ADK: variants seen among roughly 807,000 people sequenced by gnomAD.
ADK encodes the protein N6,N6-dimethyladenosine kinase.
Under a neutral mutation model 44.7 loss-of-function variants are expected in ADK, and 24 were observed. That is an observed-to-expected ratio of 0.54 (90% confidence interval 0.39 to 0.76). The LOEUF is 0.76. Among genes scored for constraint, ADK ranks in the 30% least tolerant of loss-of-function variants. ADK has a pLI of 0.00. For missense variants in ADK, 321 were observed against 425.1 expected, an observed-to-expected ratio of 0.76 and a Z score of 2.15; for synonymous variants, 128 against 142.6, an observed-to-expected ratio of 0.90 and a Z score of 0.73.
chr10:74,594,382 G>GTTCTACCAAAATAATAAAGT (rs1851823640), intron 8 of ADK, among the ~76,000 whole-genome samples: 1 of 150,230 alleles, frequency 6.7e-6, no homozygotes, highest in African/African-American at 2.4e-5. Flanking sequence ...TTCAAATGAA[G>GTTCTACCAAAATAATAAAGT]TGTGTGTAAC....
At chr10:74,409,719 A>G (rs1430238353) in intron 6 of ADK, among the ~76,000 whole-genome samples, 2 of 152,160 alleles carry the variant, frequency 1.3e-5, no homozygotes, top group Admixed American at 6.5e-5. Context: ...TGCTTCTGGA[A>G]TAAGGGAAGT....
chr10:74,249,580 A>T (rs770380311), intron 3 of ADK, among the ~76,000 whole-genome samples: 2 of 152,084 alleles, frequency 1.3e-5, no homozygotes, highest in East Asian at 3.9e-4. Flanking sequence ...TACAAAGTTC[A>T]ATTACTATAG....
At chr10:74,382,961 C>G (rs192693165) in intron 4 of ADK, among the ~76,000 whole-genome samples, 2 of 151,974 alleles carry the variant, frequency 1.3e-5, no homozygotes, top group Admixed American at 1.3e-4. Flanking sequence ...TTTTCCCCCC[C>G]TCCTCTCACA....
At chr10:74,523,125 A>G (rs1701020797) in intron 6 of ADK, among the ~76,000 whole-genome samples, 1 of 152,202 alleles carries the variant, frequency 6.6e-6, no homozygotes, top group Non-Finnish European at 1.5e-5. Context: ...TTATTTATCA[A>G]AAGAAACTAA....
intron 3 of ADK, among the ~76,000 whole-genome samples, chr10:74,257,701 ATTAT>A (rs1845878804): frequency 6.6e-6 from 1 of 152,224 alleles, no homozygotes; most frequent in South Asian, 2.1e-4. Flanking sequence ...GCTTGAAATT[ATTAT>A]TTATTGATAG....
intron 3 of ADK, among the ~76,000 whole-genome samples, chr10:74,308,017 A>G (rs1257055175): frequency 2.0e-5 from 3 of 152,220 alleles, no homozygotes; most frequent in Non-Finnish European, 4.4e-5. Context: ...TGAAAATCAT[A>G]AATTGGTTTA....
At chr10:74,416,612 TC>T (rs1844384562) in intron 6 of ADK, among the ~76,000 whole-genome samples, 1 of 151,496 alleles carries the variant, frequency 6.6e-6, no homozygotes, top group Non-Finnish European at 1.5e-5. Context: ...GATGCTTTTC[TC>T]TATAACTTTC....
intron 3 of ADK, among the ~76,000 whole-genome samples, chr10:74,300,358 CCTTT>C (rs199964770): frequency 0.023 from 1,479 of 63,898 alleles, 131 homozygotes; most frequent in South Asian, 0.034. Context: ...TTCCTTCCTT[CCTTT>C]CTTTCTTTCT....
chr10:74,615,575 C>CT (rs984409148), intron 9 of ADK, among the ~76,000 whole-genome samples: 5 of 152,152 alleles, frequency 3.3e-5, no homozygotes, highest in Non-Finnish European at 7.3e-5. Context: ...TACTATCCAT[C>CT]TTTTTAATTT....
intron 6 of ADK, chr10:74,516,849 A>G (rs1463896068): frequency 6.3e-6 from 1 of 159,144 alleles, no homozygotes; most frequent in Non-Finnish European, 1.4e-5. Flanking sequence ...ATCTCTGCAT[A>G]GTAGTGTGTG....
chr10:74,569,952 A>G (rs935636623), intron 7 of ADK, among the ~76,000 whole-genome samples: 1 of 152,140 alleles, frequency 6.6e-6, no homozygotes, highest in African/African-American at 2.4e-5. Context: ...ATTTTTGTAT[A>G]AGGTGTAAGG....
chr10:74,372,403 C>T (rs1842688591), intron 4 of ADK: 2 of 719,372 alleles, frequency 2.8e-6, no homozygotes, highest in Non-Finnish European at 2.6e-6. Context: ...GGAGCAAACA[C>T]TGAAAGGTCT....
intron 3 of ADK, among the ~76,000 whole-genome samples, chr10:74,241,505 C>T (rs1220986854): frequency 6.6e-6 from 1 of 152,162 alleles, no homozygotes; most frequent in Non-Finnish European, 1.5e-5. Flanking sequence ...CTTGTCTCAG[C>T]CTCCTGAGTA....
At chr10:74,581,129 T>C (rs557831640) in intron 7 of ADK, among the ~76,000 whole-genome samples, 31 of 151,832 alleles carry the variant, frequency 2.0e-4, no homozygotes, top group Non-Finnish European at 3.8e-4. Flanking sequence ...TAGAAATGGA[T>C]TTAGAAATGA....
chr10:74,379,585 C>T (rs1376949355), intron 4 of ADK, among the ~76,000 whole-genome samples: 1 of 152,182 alleles, frequency 6.6e-6, no homozygotes, highest in Non-Finnish European at 1.5e-5. Context: ...TCCAGCCATA[C>T]AGGTGTTAAA....
At chr10:74,689,119 G>T (rs906158444) in intron 10 of ADK, among the ~76,000 whole-genome samples, 4 of 150,894 alleles carry the variant, frequency 2.7e-5, no homozygotes, top group African/African-American at 7.3e-5. Context: ...CGTGGTGGCG[G>T]GCGCCTGTAG....
chr10:74,527,486 T>C (rs746646937), intron 7 of ADK: 7 of 570,030 alleles, frequency 1.2e-5, no homozygotes, highest in Admixed American at 3.0e-5. Context: ...TCACAAATGA[T>C]CTTAATTAAG....
chr10:74,424,667 C>T (rs1844727379), intron 6 of ADK, among the ~76,000 whole-genome samples: 3 of 150,952 alleles, frequency 2.0e-5, no homozygotes, highest in Non-Finnish European at 4.4e-5. Context: ...ACATGTATCA[C>T]TAACTGTTCT....
chr10:74,596,535 TTC>T (rs1032294440), intron 8 of ADK, among the ~76,000 whole-genome samples: 16 of 151,144 alleles, frequency 1.1e-4, no homozygotes, highest in African/African-American at 3.4e-4. Flanking sequence ...TCCAATGTCA[TTC>T]TCTCTCTCTC....
Sources: allele counts gnomAD v4.1 joint callset (sites outside exome capture counted in the v4.1 genomes callset), GRCh38; gene constraint gnomAD v4.1.1; transcripts MANE v1.5; gene names NCBI Gene and HGNC (gene_info 2026-07-23, HGNC 2026-07-21).